The following ULK2 variants were observed in gnomAD, a reference collection of about 807,000 sequenced individuals.
ULK2 encodes unc-51 like autophagy activating kinase 2.
Under a neutral mutation model 127.5 loss-of-function variants are expected in ULK2, and 76 were observed. That is an observed-to-expected ratio of 0.60 (90% CI 0.50 to 0.72). The LOEUF is 0.72. Ranked by LOEUF, ULK2 falls within the 30% of genes least tolerant of loss-of-function variation. The probability of loss-of-function intolerance (pLI) is 0.00; values close to 1 mark genes in which losing one functional copy is unlikely to be tolerated. For synonymous variants in ULK2, 452 were observed against 461.9 expected (o/e 0.98, Z 0.28); for missense variants, 1,144 against 1,295.9 (o/e 0.88, Z 1.80).
intron 10 of ULK2, among the ~76,000 whole-genome samples, chr17:19,838,271 T>C (rs1400363994): frequency 6.6e-6 from 1 of 151,942 alleles, no homozygotes. Context: ...TTGTTTATTG[T>C]CTCTACCACT....
chr17:19,780,902 C>T, intron 24 of ULK2, 84 bp downstream of exon 24: 1 of 1,275,878 alleles, frequency 7.8e-7, no homozygotes, highest in Non-Finnish European at 1.1e-6. Context: ...ACAGTGAGTA[C>T]TCATCAGACA....
rs1043727833 is a variant in ULK2, at chr17:19,786,231, C to G, written c.2102-145G>C. ...CTTCTTACAAAAAGTACTTATTGCT[C>G]TTAAAATCAGAAAACGTAATACAAT... On this transcript the variant is annotated intron_variant, in intron 20 of 26. Coordinates refer to ENST00000395544, the MANE Select transcript of ULK2 (RefSeq NM_014683.4). The G allele has an allele frequency of 4.6e-6, 3 of 645,428 alleles. No homozygotes were observed. In the African/African-American group the frequency reaches 5.9e-5, roughly 13 times the overall value. The allele number at this position is 645,428 out of a possible 1,614,324, so 40.0% of individuals were successfully genotyped here. A position where few individuals can be genotyped will look rare whatever the true frequency, so the allele number is the denominator to read the frequency against.
intron 9 of ULK2, among the ~76,000 whole-genome samples, chr17:19,840,741 TAG>T (rs1341512766): frequency 1.4e-5 from 2 of 147,242 alleles, no homozygotes; most frequent in Non-Finnish European, 3.0e-5. Flanking sequence ...ATACAAAAAT[TAG>T]AGGGGCGTGG....
chr17:19,849,862 C>T, intron 3 of ULK2, 88 bp from the exon 4 acceptor site: 1 of 789,134 alleles, frequency 1.3e-6, no homozygotes, highest in Non-Finnish European at 2.0e-6. Context: ...CATACTTGTT[C>T]ATTATTAAAA....
chr17:19,780,010 C>A (rs373321485), intron 25 of ULK2, among the ~76,000 whole-genome samples: 8 of 151,922 alleles, frequency 5.3e-5, no homozygotes, highest in Non-Finnish European at 1.5e-5. Flanking sequence ...CCCATCTCTA[C>A]TAAAAATACA....
chr17:19,845,835 G>C (rs879940188), intron 6 of ULK2, among the ~76,000 whole-genome samples: 2 of 152,140 alleles, frequency 1.3e-5, no homozygotes, highest in African/African-American at 4.8e-5. Context: ...ATGGCCAGGC[G>C]TGGTGGCCCA....
At chr17:19,850,859 C>A (rs868240319) in intron 3 of ULK2, among the ~76,000 whole-genome samples, 2 of 151,658 alleles carry the variant, frequency 1.3e-5, no homozygotes, top group Non-Finnish European at 2.9e-5. Context: ...AGGTCTAGAT[C>A]GATCTAGACC....
rs773807651 is a variant in ULK2, at chr17:19,846,736, C to T, written c.469+1G>A. The T allele has an allele frequency of 6.3e-7, 1 of 1,599,186 alleles. No individual in the cohort carries two copies. Among genetic ancestry groups the T allele is most frequent in the East Asian group, 2.3e-5 (1 of 44,116 alleles). On this transcript the variant is annotated splice_donor_variant, in intron 6 of 26. Transcript: ENST00000395544. LOFTEE classifies it high-confidence loss of function. ...CCATGACACAATACATGGCCATTTA[C>T]CTATTTTGATGCGAATACCACTGAC...
intron 20 of ULK2, among the ~76,000 whole-genome samples, chr17:19,787,269 G>A (rs1442586026): frequency 1.3e-5 from 2 of 152,172 alleles, no homozygotes; most frequent in African/African-American, 4.8e-5. Context: ...TTACAGGCGT[G>A]AGCCACTGCG....
At chr17:19,810,618 T>C (rs1597746089) in intron 13 of ULK2, among the ~76,000 whole-genome samples, 180 bp from the exon 14 acceptor site, 1 of 152,200 alleles carries the variant, frequency 6.6e-6, no homozygotes, top group Non-Finnish European at 1.5e-5. Flanking sequence ...GCTGAAGACA[T>C]AGGCTGCAAC....
intron 23 of ULK2, 138 bp from the exon 24 acceptor site, chr17:19,781,242 C>CTTTTTTT (rs200296663): frequency 8.5e-6 from 4 of 472,152 alleles, no homozygotes; most frequent in East Asian, 3.8e-5. Context: ...TCTTTCTTTT[C>CTTTTTTT]TTTTTTTTTT....
Position 19,785,996 on chromosome 17 carries a change from G to A in ULK2, c.2192C>T (p.Pro731Leu), listed in dbSNP as rs2087021670. Reference sequence around the variant, plus strand: ...ACAAGTGGGGGCTGCCGCACTGTGTGGAGGAGACCCTACAGTGAAGAGGAC... The same window carrying A: ...ACAAGTGGGGGCTGCCGCACTGTGTAGAGGAGACCCTACAGTGAAGAGGAC... The part of the protein sequence containing the change: ...KAVLFTVGSP[P>L]HSAAAPTCTH... Residue 731 changes from proline to leucine, a missense_variant, in exon 21 of 27, where the codon CCA becomes CTA. This residue lies in a region of ULK2 where 913 missense variants were observed against 970.5 expected (regional missense o/e 0.94). Coordinates refer to ENST00000395544, the MANE Select transcript of ULK2 (RefSeq NM_014683.4). 1 of 1,590,346 alleles carries A rather than the reference G, an allele frequency of 6.3e-7. No homozygotes were observed. The highest frequency in any genetic ancestry group is 1.4e-5 in the African/African-American group (1 of 72,762).
At chr17:19,848,620 T>TA (rs1399378854) in intron 5 of ULK2, among the ~76,000 whole-genome samples, 1 of 151,930 alleles carries the variant, frequency 6.6e-6, no homozygotes, top group African/African-American at 2.4e-5. Context: ...CTACTAAAAA[T>TA]ACAAAAATTA....
chr17:19,818,149 C>T (rs939322893), intron 12 of ULK2, among the ~76,000 whole-genome samples: 3 of 151,894 alleles, frequency 2.0e-5, no homozygotes, highest in Admixed American at 6.6e-5. Flanking sequence ...GGTGAAACCC[C>T]GTCTCTACTA....
chr17:19,808,741 CATTA>C (rs1446482636), intron 14 of ULK2, among the ~76,000 whole-genome samples: 5 of 152,296 alleles, frequency 3.3e-5, no homozygotes, highest in Admixed American at 6.5e-5. Flanking sequence ...ACCTCACACT[CATTA>C]ATTAGGATGG....
intron 13 of ULK2, among the ~76,000 whole-genome samples, chr17:19,813,069 A>G (rs2087678129): frequency 6.6e-6 from 1 of 151,936 alleles, no homozygotes; most frequent in African/African-American, 2.4e-5. Context: ...ACTATTGAGA[A>G]CTCCATACTT....
Position 19,804,729 on chromosome 17 carries a change from G to A in ULK2, c.1259C>T (p.Thr420Ile). The change falls in exon 15 of 27, where the codon ACT becomes ATT. Residue 420 changes from threonine (T) to isoleucine (I), a missense_variant. Physicochemically the swap from Thr to Ile is moderately conservative, Grantham distance 89 (BLOSUM62 -1). Around this residue, in one of 2 missense-constraint regions of ULK2, gnomAD observed 913 missense variants for 970.5 expected, o/e 0.94. Transcript: ENST00000395544. ...ATGTACATTTGTGCCTGAGCTGGCA[G>A]TAGATGTAAGATTCTGCTCTATGCG... Reference protein sequence around the residue: ...YQRIEQNLTSTASSGTNVHGS... With the variant: ...YQRIEQNLTSIASSGTNVHGS... The A allele has an allele frequency of 6.2e-7, 1 of 1,609,212 alleles. No individual in the cohort carries two copies. Among genetic ancestry groups the A allele is most frequent in the Non-Finnish European group, 8.5e-7 (1 of 1,177,246 alleles).
In ULK2 at chr17:19,815,211, G is replaced by A. The variant is rs187484522; in HGVS notation, c.1096+1538C>T. Among the ~76,000 whole-genome samples, 969 of 152,180 alleles carry A rather than the reference G, an allele frequency of 6.4e-3. 15 individuals are homozygous for A. Among genetic ancestry groups the A allele is most frequent in the Non-Finnish European group, 3.7e-3 (252 of 67,986 alleles). On this transcript the variant is annotated intron_variant, in intron 13 of 26. Transcript: ENST00000395544. ...GAAGAATATACCCCTAGCAAGAGCA[G>A]AAAGAGAAAAGGCACTTTAGCTGTA...
Position 19,810,375 on chromosome 17 carries a change from T to C in ULK2, c.1157+3A>G, listed in dbSNP as rs1314836756. The C allele has an allele frequency of 6.3e-6, 10 of 1,590,074 alleles. No individual in the cohort carries two copies. The South Asian group carries it at 1.1e-4, about 18-fold the overall frequency. On this transcript the variant is annotated splice_donor_region_variant and intron_variant, in intron 14 of 26. Transcript: ENST00000395544. ...TTTAATAAGATAATGTAAATATACA[T>C]ACCCTCCACACACCAAGAATTCATT...
Sources: allele counts gnomAD v4.1 joint callset (sites outside exome capture counted in the v4.1 genomes callset), GRCh38; gene constraint gnomAD v4.1.1; regional missense constraint gnomAD v4.1.1; transcripts MANE v1.5; gene names NCBI Gene and HGNC (gene_info 2026-07-23, HGNC 2026-07-21).